Variants in RBMS3 observed in about 807,000 individuals in gnomAD.
The protein encoded by RBMS3 is RNA binding motif single stranded interacting protein 3.
A neutral mutation model predicts 66.8 loss-of-function variants in RBMS3; 27 were observed. The observed-to-expected ratio is 0.40, with a 90% CI of 0.30 to 0.56. The LOEUF (loss-of-function observed/expected upper bound fraction) is 0.56, where lower values mean the gene tolerates loss of function less well. RBMS3 is among the 20% of genes least tolerant of loss of function. The pLI is 0.40. For synonymous variants in RBMS3, 188 were observed against 183.0 expected (o/e 1.03, Z -0.22); for missense variants, 513 against 549.5 (o/e 0.93, Z 0.66).
intron 3 of RBMS3, among the ~76,000 whole-genome samples, chr3:29,567,011 A>C (rs1223049295): frequency 1.3e-5 from 2 of 152,186 alleles, no homozygotes; most frequent in Admixed American, 6.5e-5. Flanking sequence ...TCTTTCTATC[A>C]TCATGGCATG....
intron 3 of RBMS3, among the ~76,000 whole-genome samples, chr3:29,579,522 G>T (rs1478829022): frequency 1.3e-5 from 2 of 152,134 alleles, no homozygotes; most frequent in African/African-American, 4.8e-5. Context: ...CTAAATTGGG[G>T]CTGGGGTTTC....
chr3:29,730,996 GT>G, intron 4 of RBMS3: 1 of 985,420 alleles, frequency 1.0e-6, no homozygotes, highest in Non-Finnish European at 1.2e-6. Context: ...CTGGCCACCT[GT>G]TCCAGGACCA....
At chr3:29,319,183 G>A (rs945714754) in intron 1 of RBMS3, among the ~76,000 whole-genome samples, 1 of 151,908 alleles carries the variant, frequency 6.6e-6, no homozygotes, top group Non-Finnish European at 1.5e-5. Flanking sequence ...CATAAGGAAA[G>A]GATTCACCTT....
Position 29,482,701 on chromosome 3 carries a change from C to CTTTTTTTTTTTTTTTTTTTTTTT in RBMS3, c.249-5738_249-5716dup, listed in dbSNP as rs755520785. On this transcript the variant is annotated intron_variant, in intron 2 of 14. Transcript: ENST00000383767. ...AGTCTACCATTTTCTTTCTTTCTTTCTTTTTTTTTTTTTTTTTTTTTTTTG... is the reference window on the plus strand; with the variant it reads ...AGTCTACCATTTTCTTTCTTTCTTTCTTTTTTTTTTTTTTTTTTTTTTTTTTTTTTTTTTTTTTTTTTTTTTTG... 1.5e-4 allele frequency among the ~76,000 whole-genome samples: 12 copies of CTTTTTTTTTTTTTTTTTTTTTTT among 77,508 alleles called. 1 individual carries two copies. Among genetic ancestry groups the CTTTTTTTTTTTTTTTTTTTTTTT allele is most frequent in the Admixed American group, 3.9e-4 (2 of 5,150 alleles). The allele number at this position is 77,508 out of a possible 152,430, so 50.8% of individuals were successfully genotyped here.
intron 1 of RBMS3, among the ~76,000 whole-genome samples, chr3:29,285,728 C>T (rs979006174): frequency 6.6e-6 from 1 of 152,124 alleles, no homozygotes; most frequent in South Asian, 2.1e-4. Context: ...AATATTCAAC[C>T]ATCTGCAGCC....
At chr3:29,655,896 G>A (rs768841849) in intron 4 of RBMS3, among the ~76,000 whole-genome samples, 3 of 151,170 alleles carry the variant, frequency 2.0e-5, no homozygotes, top group East Asian at 2.0e-4. Context: ...CTGTATATGC[G>A]TGGATTAATG....
chr3:29,784,262 A>C (rs2056742539), intron 6 of RBMS3, among the ~76,000 whole-genome samples: 1 of 152,084 alleles, frequency 6.6e-6, no homozygotes, highest in Admixed American at 6.6e-5. Flanking sequence ...TCATCAGCAC[A>C]TGGAGCATTC....
chr3:29,319,906 G>T (rs1186134658), intron 1 of RBMS3, among the ~76,000 whole-genome samples: 2 of 151,750 alleles, frequency 1.3e-5, no homozygotes, highest in African/African-American at 4.8e-5. Context: ...TTGCCTTCTT[G>T]AACTTTCTGT....
At chr3:29,864,434 A>G (rs1401491718) in intron 6 of RBMS3, among the ~76,000 whole-genome samples, 3 of 152,232 alleles carry the variant, frequency 2.0e-5, no homozygotes, top group Admixed American at 6.5e-5. Context: ...ATGACAAGCT[A>G]TAGCAAACAA....
intron 3 of RBMS3, among the ~76,000 whole-genome samples, chr3:29,508,063 G>T (rs929760587): frequency 6.6e-6 from 1 of 152,116 alleles, no homozygotes; most frequent in South Asian, 2.1e-4. Flanking sequence ...CTGTTATTTG[G>T]AATGAGATGT....
At chr3:29,597,568 T>C (rs1035646963) in intron 4 of RBMS3, among the ~76,000 whole-genome samples, 5 of 152,156 alleles carry the variant, frequency 3.3e-5, no homozygotes, top group African/African-American at 1.2e-4. Context: ...AACCACACCG[T>C]GAAACTTAGA....
intron 10 of RBMS3, among the ~76,000 whole-genome samples, chr3:29,919,098 T>A (rs977662687): frequency 2.6e-5 from 4 of 152,204 alleles, no homozygotes; most frequent in Admixed American, 1.3e-4. Context: ...CCTGATTAAA[T>A]TTTAAAACTA....
At chr3:29,772,938 A>C (rs992957104) in intron 6 of RBMS3, among the ~76,000 whole-genome samples, 1 of 152,094 alleles carries the variant, frequency 6.6e-6, no homozygotes, top group Admixed American at 6.6e-5. Flanking sequence ...ATCTTAGAGC[A>C]CATTGTTTTT....
rs187970367 is a variant in RBMS3, at chr3:29,473,678, C to A, written c.249-14763C>A. 1.8e-4 allele frequency among the ~76,000 whole-genome samples: 27 copies of A among 152,354 alleles called. No individual in the cohort carries two copies. In the East Asian group the frequency reaches 4.6e-3, roughly 26 times the overall value. ...AGGCAGCTAAGGCACGGTGAGAAAT[C>A]GAGTGCAGCGCCAGTGGGCCGGCAC... is the stretch of plus-strand genomic sequence containing the variant. On this transcript the variant is annotated intron_variant, in intron 2 of 14. Coordinates refer to ENST00000383767, the MANE Select transcript of RBMS3 (RefSeq NM_001003793.3).
chr3:29,821,053 T>A (rs752904440), intron 6 of RBMS3, among the ~76,000 whole-genome samples: 1 of 152,192 alleles, frequency 6.6e-6, no homozygotes. Context: ...TGGCTTCCTA[T>A]AGAAGTGCAA....
chr3:29,549,505 C>G (rs1393388805), intron 3 of RBMS3, among the ~76,000 whole-genome samples: 1 of 150,806 alleles, frequency 6.6e-6, no homozygotes, highest in Admixed American at 6.7e-5. Flanking sequence ...GTTCAAGCAA[C>G]TCTCCTGTCT....
At chr3:29,947,074 CA>C (rs1279831828) in intron 12 of RBMS3, among the ~76,000 whole-genome samples, 1 of 151,402 alleles carries the variant, frequency 6.6e-6, no homozygotes, top group Non-Finnish European at 1.5e-5. Context: ...AGATAGAAAA[CA>C]AAATATACAG....
chr3:29,472,265 T>C (rs560807605), intron 2 of RBMS3, among the ~76,000 whole-genome samples: 1 of 151,924 alleles, frequency 6.6e-6, no homozygotes, highest in South Asian at 2.1e-4. Context: ...TGGCGTGATC[T>C]TGGCTCACTG....
intron 5 of RBMS3, among the ~76,000 whole-genome samples, chr3:29,756,093 T>C (rs1201245357): frequency 2.0e-5 from 3 of 152,334 alleles, no homozygotes; most frequent in African/African-American, 4.8e-5. Flanking sequence ...ACAAAACTGC[T>C]CTTTTACTCT....
Sources: allele counts gnomAD v4.1 joint callset (sites outside exome capture counted in the v4.1 genomes callset), GRCh38; gene constraint gnomAD v4.1.1; transcripts MANE v1.5; gene names NCBI Gene and HGNC (gene_info 2026-07-23, HGNC 2026-07-21).